SRPX2: variants seen among roughly 807,000 people sequenced by gnomAD.
SRPX2 encodes the protein sushi repeat-containing protein SRPX2.
In SRPX2, 26 loss-of-function variants were observed where a neutral mutation model predicts 45.3. The observed-to-expected ratio is 0.57, with a 90% CI of 0.42 to 0.80. SRPX2 has a LOEUF of 0.80. Ranked by LOEUF, SRPX2 falls within the 30% of genes least tolerant of loss-of-function variation. The pLI, the probability that SRPX2 is intolerant of heterozygous loss-of-function variation, is 0.00. For missense variants in SRPX2, 355 were observed against 399.8 expected, an observed-to-expected ratio of 0.89 and a Z score of 0.95; for synonymous variants, 125 against 143.7, an observed-to-expected ratio of 0.87 and a Z score of 0.93.
At chrX:100,661,767 CAAAA>C (rs931835346) in intron 3 of SRPX2, among the ~76,000 whole-genome samples, 9 of 110,923 alleles carry the variant, frequency 8.1e-5, no homozygotes, top group African/African-American at 3.0e-4. Flanking sequence ...GACTCCGTCT[CAAAA>C]AAACAAATTT....
rs1279044335 is a variant in SRPX2, at chrX:100,646,408, A to G, written c.82+4A>G. ...GTGACACCAACATGGTATGCAGGTAAGTTCTAGGAGCTGTTGCCTATTATT... is the reference window on the plus strand; with the variant it reads ...GTGACACCAACATGGTATGCAGGTAGGTTCTAGGAGCTGTTGCCTATTATT... On this transcript the variant is annotated splice_donor_region_variant and intron_variant, in intron 2 of 10. Coordinates refer to ENST00000373004, the MANE Select transcript of SRPX2 (RefSeq NM_014467.3). 7.5e-6 allele frequency: 9 copies of G among 1,204,712 alleles called. No individual in the cohort carries two copies. Among genetic ancestry groups the G allele is most frequent in the Admixed American group, 2.2e-5 (1 of 45,822 alleles).
chrX:100,652,233 C>T (rs939099993), intron 3 of SRPX2, among the ~76,000 whole-genome samples: 1 of 111,727 alleles, frequency 9.0e-6, no homozygotes, highest in Non-Finnish European at 1.9e-5. Flanking sequence ...ACAGATGAAC[C>T]CCATAAATGT....
chrX:100,646,737 TTATTAA>T (rs2083136660), intron 2 of SRPX2, among the ~76,000 whole-genome samples: 1 of 111,355 alleles, frequency 9.0e-6, no homozygotes, highest in African/African-American at 3.3e-5. Flanking sequence ...AGTCAAATCT[TTATTAA>T]TATTAATTCT....
At chrX:100,655,832 G>T (rs932731111) in intron 3 of SRPX2, among the ~76,000 whole-genome samples, 3 of 96,156 alleles carry the variant, frequency 3.1e-5, no homozygotes, top group Admixed American at 1.1e-4. Context: ...TATTTTTGGG[G>T]TTTTTTTAGG....
chrX:100,664,996 C>T, intron 5 of SRPX2, 46 bp downstream of exon 5: 1 of 1,183,155 alleles, frequency 8.5e-7, no homozygotes, highest in Non-Finnish European at 1.1e-6. Flanking sequence ...AGAGCCACCC[C>T]AGCATTATAT....
intron 2 of SRPX2, chrX:100,649,564 G>A (rs1230681760): frequency 8.9e-6 from 1 of 112,251 alleles, no homozygotes; most frequent in Non-Finnish European, 1.9e-5. Flanking sequence ...GATTTCATAA[G>A]GCAAACTTTC....
rs149678452 is a variant in SRPX2 at position 100,666,727 on chromosome X, C to T, written c.782-27C>T. ...TTCCTTCTTATAAGAAACACCATAA[C>T]TTCTAACTTGAGCTCCTCCCTGACA... On this transcript the variant is annotated intron_variant, in intron 7 of 10. Transcript: ENST00000373004. The T allele has an allele frequency of 9.0e-4, 1,087 of 1,210,410 alleles. 5 individuals carry two copies. The African/African-American group carries it at 0.016, about 17-fold the overall frequency.
intron 3 of SRPX2, among the ~76,000 whole-genome samples, chrX:100,657,349 C>CTTTGTTTTTTTTTTTCTTTTTTTTT (rs2083172904): frequency 3.5e-5 from 1 of 28,417 alleles, no homozygotes; most frequent in Non-Finnish European, 6.5e-5. Flanking sequence ...TTATTTATGT[C>CTTTGTTTTTTTTTTTCTTTTTTTTT]TTTTTTTTTT....
chrX:100,667,657 G>A (rs755075178), intron 9 of SRPX2, among the ~76,000 whole-genome samples: 12 of 112,514 alleles, frequency 1.1e-4, no homozygotes, highest in African/African-American at 3.5e-4. Flanking sequence ...AGGGAGTGTG[G>A]CAAAGCACTC....
At chrX:100,666,486 T>C (rs1018426173) in intron 7 of SRPX2, among the ~76,000 whole-genome samples, 1 of 112,653 alleles carries the variant, frequency 8.9e-6, no homozygotes, top group African/African-American at 3.2e-5. Flanking sequence ...CAGATGGTAA[T>C]ATTTTCTTTT....
At chrX:100,665,077 T>G in intron 5 of SRPX2, 127 bp downstream of exon 5, 2 of 1,068,019 alleles carry the variant, frequency 1.9e-6, no homozygotes, top group Non-Finnish European at 1.3e-6. Flanking sequence ...CCTGGGTATT[T>G]GCTAAACAAA....
intron 3 of SRPX2, among the ~76,000 whole-genome samples, chrX:100,657,852 T>C (rs2083175624): frequency 8.9e-6 from 1 of 111,959 alleles, no homozygotes; most frequent in African/African-American, 3.2e-5. Context: ...GGAGACGGAG[T>C]CTCCTGACCT....
Position 100,661,933 on chromosome X carries a change from GT to G in SRPX2, c.164-217del, listed in dbSNP as rs771852530. Among the ~76,000 whole-genome samples, 2,077 of 59,646 alleles carry G rather than the reference GT, an allele frequency of 0.035. 55 individuals are homozygous for G. Among genetic ancestry groups the G allele is most frequent in the African/African-American group, 0.1 (1,428 of 14,068 alleles). 51.8% of individuals were successfully genotyped at this position (59,646 alleles called of 115,157 possible). A position where few individuals can be genotyped will look rare whatever the true frequency, so the allele number is the denominator to read the frequency against. ...GGTGTGAGACTTAGGTCGAGGTGGG[GT>G]TTTTTTTTTTTTTTTTTTTTTTTTT... is the stretch of plus-strand genomic sequence containing the variant. On this transcript the variant is annotated intron_variant, in intron 3 of 10. Coordinates refer to ENST00000373004, the MANE Select transcript of SRPX2 (RefSeq NM_014467.3).
At chrX:100,657,274 A>C (rs1174836713) in intron 3 of SRPX2, among the ~76,000 whole-genome samples, 1 of 101,169 alleles carries the variant, frequency 9.9e-6, no homozygotes, top group African/African-American at 3.6e-5. Flanking sequence ...CATAGTGGTT[A>C]TATTAATTTA....
Position 100,672,412 on chromosome X carries a change from TG to T in SRPX2, c.*1426del, listed in dbSNP as rs1265942720. ...CAGAGCTCATAATGCTCAAGCACTA[TG>T]TGCCAGGTGCTGTTCTAAACACTCT... On this transcript the variant is annotated 3_prime_UTR_variant, in exon 11 of 11. Transcript: ENST00000373004. 2 of 112,367 alleles carry T rather than the reference TG, an allele frequency of 1.8e-5. No homozygotes were observed. The highest frequency in any genetic ancestry group is 6.5e-5 in the African/African-American group (2 of 30,862). The allele number at this position is 112,367 out of a possible 1,213,427, so 9.3% of individuals were successfully genotyped here. A position where few individuals can be genotyped will look rare whatever the true frequency, so the allele number is the denominator to read the frequency against.
intron 3 of SRPX2, 25 bp downstream of exon 3, chrX:100,650,890 C>G (rs754754574): frequency 8.6e-7 from 1 of 1,166,516 alleles, no homozygotes; most frequent in East Asian, 3.0e-5. Context: ...TTCTCAAGCC[C>G]AGAAAATCTC....
intron 2 of SRPX2, among the ~76,000 whole-genome samples, chrX:100,649,984 T>C (rs1363158723): frequency 1.8e-5 from 2 of 112,282 alleles, no homozygotes; most frequent in South Asian, 3.8e-4. Flanking sequence ...TCCTGCCGTC[T>C]GGTGGAACAT....
chrX:100,662,394 T>G, intron 4 of SRPX2, 27 bp downstream of exon 4: 5 of 1,208,984 alleles, frequency 4.1e-6, no homozygotes, highest in Non-Finnish European at 5.6e-6. Context: ...CATATGCTGA[T>G]GTATGTATGC....
At chrX:100,669,422 G>GGC in intron 10 of SRPX2, 53 bp downstream of exon 10, 10 of 319,075 alleles carry the variant, frequency 3.1e-5, no homozygotes, top group Non-Finnish European at 5.5e-5. Flanking sequence ...GGGGCGGGGG[G>GGC]AGAAACCCTA....
Sources: gnomAD v4.1 joint callset for allele counts (sites outside exome capture counted in the v4.1 genomes callset) on GRCh38, gnomAD v4.1.1 for gene constraint, MANE v1.5 for transcripts, NCBI Gene and HGNC (gene_info 2026-07-23, HGNC 2026-07-21) for gene names.